The following RBM25 variants were observed in gnomAD, a reference collection of about 807,000 sequenced individuals.
RBM25 encodes RNA-binding protein 25.
In RBM25, 19 loss-of-function variants were observed where a neutral mutation model predicts 120.7. The ratio of observed to expected loss-of-function variants is 0.16; its 90% CI spans 0.11 to 0.23. The LOEUF (loss-of-function observed/expected upper bound fraction) is 0.23, where lower values mean the gene tolerates loss of function less well. Among genes scored for constraint, RBM25 ranks in the 10% least tolerant of loss-of-function variants. The probability of loss-of-function intolerance (pLI) is 1.00; values close to 1 mark genes in which losing one functional copy is unlikely to be tolerated. For synonymous variants in RBM25, 390 were observed against 326.7 expected, an observed-to-expected ratio of 1.19 and a Z score of -2.09; for missense variants, 605 against 1,041.5, an observed-to-expected ratio of 0.58 and a Z score of 5.77.
At chr14:73,093,797 G>A (rs111461043) in intron 6 of RBM25, among the ~76,000 whole-genome samples, 10,558 of 151,914 alleles carry the variant, frequency 0.069, 527 homozygotes, top group South Asian at 0.19. Flanking sequence ...GTGAGCCACC[G>A]CACCCGGCCA....
At chr14:73,103,523 AC>A in intron 10 of RBM25, 45 bp downstream of exon 10, 1 of 1,527,684 alleles carries the variant, frequency 6.5e-7, no homozygotes, top group East Asian at 2.3e-5. Flanking sequence ...CTTTAAGAAA[AC>A]TATCGGGTAG....
chr14:73,068,881 T>A (rs1291418149), intron 1 of RBM25, among the ~76,000 whole-genome samples: 1 of 151,792 alleles, frequency 6.6e-6, no homozygotes, highest in Non-Finnish European at 1.5e-5. Context: ...GCCAATTTAC[T>A]GCATTATAAA....
At chr14:73,068,017 A>C (rs1473206744) in intron 1 of RBM25, 4 of 309,536 alleles carry the variant, frequency 1.3e-5, no homozygotes, top group African/African-American at 6.4e-5. Flanking sequence ...CCAGTTTCTT[A>C]AGTTGGCGGT....
chr14:73,077,816 A>T (rs1042467324), intron 4 of RBM25, among the ~76,000 whole-genome samples: 3 of 152,202 alleles, frequency 2.0e-5, no homozygotes, highest in African/African-American at 7.2e-5. Flanking sequence ...TCCTTCATTT[A>T]TCTCCTAAGA....
chr14:73,123,036 A>T lies in RBM25; in HGVS notation c.*3231A>T, dbSNP rs1431852059. ...ATGTCTGAGAAAGCCCTAATATTCT[A>T]GGCTTTTTTTCCATCCAGCCCTGAA... On this transcript the variant is annotated 3_prime_UTR_variant, in exon 19 of 19. Coordinates refer to ENST00000261973, the MANE Select transcript of RBM25 (RefSeq NM_021239.3). 3.3e-5 allele frequency: 5 copies of T among 152,166 alleles called. No individual in the cohort carries two copies. The highest frequency in any genetic ancestry group is 7.3e-5 in the Non-Finnish European group (5 of 68,038). The allele number at this position is 152,166 out of a possible 1,614,324, so 9.4% of individuals were successfully genotyped here.
At chr14:73,078,716 T>A (rs1895484289) in intron 4 of RBM25, among the ~76,000 whole-genome samples, 1 of 152,204 alleles carries the variant, frequency 6.6e-6, no homozygotes. Flanking sequence ...GTGATTCTCA[T>A]GCCTCAGCCT....
intron 18 of RBM25, among the ~76,000 whole-genome samples, chr14:73,115,522 A>G (rs1231129114): frequency 6.6e-6 from 1 of 152,330 alleles, no homozygotes; most frequent in African/African-American, 2.4e-5. Context: ...TTATGGCCAC[A>G]AGATTGTACA....
intron 5 of RBM25, 102 bp from the exon 6 acceptor site, chr14:73,087,899 T>G (rs1221287611): frequency 1.7e-6 from 2 of 1,157,924 alleles, no homozygotes; most frequent in Admixed American, 5.4e-5. Flanking sequence ...TTGAGTGGTC[T>G]TTGTATTAAA....
intron 5 of RBM25, among the ~76,000 whole-genome samples, chr14:73,085,844 ATTTTCT>A (rs1303197362): frequency 6.6e-6 from 1 of 151,938 alleles, no homozygotes; most frequent in East Asian, 1.9e-4. Context: ...GCAGTGACTG[ATTTTCT>A]TTTTTCTTTT....
At chr14:73,085,293 A>G (rs1895657967) in intron 5 of RBM25, among the ~76,000 whole-genome samples, 2 of 151,918 alleles carry the variant, frequency 1.3e-5, no homozygotes, top group African/African-American at 2.4e-5. Context: ...CTGGGATTAC[A>G]GACGTGAGCC....
Position 73,105,937 on chromosome 14 carries a change from G to A in RBM25, c.1233G>A (p.Arg411=). 6.2e-7 allele frequency: 1 copy of A among 1,612,092 alleles called. No homozygotes were observed. The highest frequency in any genetic ancestry group is 8.5e-7 in the Non-Finnish European group (1 of 1,179,036). Residue 411 remains arginine (R), a synonymous_variant, in exon 11 of 19, where the codon CGG becomes CGA. Coordinates refer to ENST00000261973, the MANE Select transcript of RBM25 (RefSeq NM_021239.3). The part of the protein sequence containing the change: ...RERERERERE[R]ERERERERER... ...GAGAACGAGAGCGAGAACGAGAACG[G>A]GAGCGAGAGAGAGAGCGAGAGAGGG...
At chr14:73,108,469 C>T (rs1364049021) in intron 13 of RBM25, among the ~76,000 whole-genome samples, 1 of 152,214 alleles carries the variant, frequency 6.6e-6, no homozygotes, top group Non-Finnish European at 1.5e-5. Context: ...CAAATTGATA[C>T]ATTATTGTGA....
intron 10 of RBM25, among the ~76,000 whole-genome samples, chr14:73,104,809 G>T (rs1168134544): frequency 6.6e-6 from 1 of 152,128 alleles, no homozygotes; most frequent in Non-Finnish European, 1.5e-5. Flanking sequence ...ACATTACTGT[G>T]TTGCAGTTTC....
intron 18 of RBM25, among the ~76,000 whole-genome samples, chr14:73,115,454 C>T (rs1594938463): frequency 6.6e-6 from 1 of 152,144 alleles, no homozygotes; most frequent in East Asian, 1.9e-4. Flanking sequence ...TGTTAGTTTG[C>T]TAAGGATAGT....
At chr14:73,113,444 C>T (rs1896357367) in intron 17 of RBM25, among the ~76,000 whole-genome samples, 1 of 151,686 alleles carries the variant, frequency 6.6e-6, no homozygotes, top group South Asian at 2.1e-4. Flanking sequence ...GTAATTCCCG[C>T]ACTTTGGGAG....
intron 16 of RBM25, 115 bp downstream of exon 16, chr14:73,111,917 A>G (rs550835156): frequency 6.8e-6 from 9 of 1,322,976 alleles, no homozygotes; most frequent in Admixed American, 5.0e-5. Context: ...ATAAGTAGGG[A>G]TGATCATCTT....
chr14:73,077,251 G>T (rs1895443909), intron 3 of RBM25, 118 bp from the exon 4 acceptor site: 2 of 854,364 alleles, frequency 2.3e-6, no homozygotes, highest in Admixed American at 6.5e-5. Flanking sequence ...ATACAAGCAT[G>T]CAGAGCTTAA....
intron 9 of RBM25, chr14:73,102,138 T>C (rs1896068935): frequency 6.6e-6 from 1 of 152,212 alleles, no homozygotes; most frequent in Non-Finnish European, 1.5e-5. Context: ...AAAAGAAAAA[T>C]GCACATTTTA....
chr14:73,108,560 CATT>C (rs1896239089), intron 13 of RBM25, among the ~76,000 whole-genome samples: 1 of 152,154 alleles, frequency 6.6e-6, no homozygotes, highest in Non-Finnish European at 1.5e-5. Context: ...GTATTTGTGA[CATT>C]ATGCCAAAAT....
Sources: gnomAD v4.1 joint callset for allele counts (sites outside exome capture counted in the v4.1 genomes callset) on GRCh38, gnomAD v4.1.1 for gene constraint, MANE v1.5 for transcripts, NCBI Gene and HGNC (gene_info 2026-07-23, HGNC 2026-07-21) for gene names.